The following PTPRE variants were observed in gnomAD, a reference collection of about 807,000 sequenced individuals.
PTPRE encodes the protein receptor-type tyrosine-protein phosphatase epsilon.
Under a neutral mutation model 102.0 loss-of-function variants are expected in PTPRE, and 51 were observed. That is an observed-to-expected ratio of 0.50 (90% CI 0.40 to 0.63). PTPRE has a LOEUF of 0.63. Among genes scored for constraint, PTPRE ranks in the 30% least tolerant of loss-of-function variants. The probability of loss-of-function intolerance (pLI) is 0.00; values close to 1 mark genes in which losing one functional copy is unlikely to be tolerated. For missense variants in PTPRE, 752 were observed against 915.1 expected (o/e 0.82, Z 2.30); for synonymous variants, 345 against 348.2 (o/e 0.99, Z 0.10).
At chr10:128,043,005 CA>C (rs1847830113) in intron 3 of PTPRE, among the ~76,000 whole-genome samples, 1 of 151,974 alleles carries the variant, frequency 6.6e-6, no homozygotes, top group Non-Finnish European at 1.5e-5. Context: ...TCAGATGGAC[CA>C]AAATGCAAAG....
intron 1 of PTPRE, among the ~76,000 whole-genome samples, chr10:127,963,492 A>G (rs1455250608): frequency 6.6e-6 from 1 of 152,234 alleles, no homozygotes; most frequent in African/African-American, 2.4e-5. Flanking sequence ...GTAGATGCCC[A>G]GAAAGTGGTT....
intron 8 of PTPRE, among the ~76,000 whole-genome samples, 177 bp from the exon 9 acceptor site, chr10:128,061,502 G>A (rs1849588509): frequency 6.6e-6 from 1 of 152,222 alleles, no homozygotes; most frequent in African/African-American, 2.4e-5. Flanking sequence ...GGGGACGTAT[G>A]AAGTAGGATT....
At chr10:127,978,436 G>C (rs1212822118) in intron 1 of PTPRE, among the ~76,000 whole-genome samples, 1 of 152,116 alleles carries the variant, frequency 6.6e-6, no homozygotes, top group Admixed American at 6.5e-5. Context: ...TACTCGGGGG[G>C]TGGCTGAGGC....
Position 127,987,169 on chromosome 10 carries a change from G to A in PTPRE, c.-8+4873G>A, listed in dbSNP as rs189756737. 2.3e-3 allele frequency: 600 copies of A among 258,766 alleles called. 2 individuals are homozygous for A. Among genetic ancestry groups the A allele is most frequent in the Non-Finnish European group, 3.3e-3 (545 of 165,698 alleles). The allele number at this position is 258,766 out of a possible 1,614,324, so 16.0% of individuals were successfully genotyped here. On this transcript the variant is annotated intron_variant, in intron 2 of 20. Transcript: ENST00000254667. ...AGTGCCTCCTAAAAGAGCCTAGTAG[G>A]TAATCCTTTGTCACAGAGCAAAGGC...
At chr10:127,946,004 TG>T (rs1325391063) in intron 1 of PTPRE, among the ~76,000 whole-genome samples, 1 of 152,030 alleles carries the variant, frequency 6.6e-6, no homozygotes, top group Admixed American at 6.5e-5. Context: ...TGAGAGGCAT[TG>T]GTGTGTGGCT....
chr10:127,919,913 C>T (rs1308121089), intron 1 of PTPRE, among the ~76,000 whole-genome samples: 4 of 151,604 alleles, frequency 2.6e-5, no homozygotes, highest in Non-Finnish European at 4.4e-5. Context: ...TTTTACTTAG[C>T]AGTGGATTTT....
At chr10:128,077,567 C>T in intron 18 of PTPRE, 50 bp from the exon 19 acceptor site, 1 of 1,562,018 alleles carries the variant, frequency 6.4e-7, no homozygotes, top group South Asian at 1.2e-5. Context: ...GGGGCTGGGG[C>T]CTGTTCCCCG....
chr10:128,021,891 C>T (rs1050520682), intron 2 of PTPRE, among the ~76,000 whole-genome samples: 23 of 152,188 alleles, frequency 1.5e-4, no homozygotes, highest in African/African-American at 5.1e-4. Flanking sequence ...ACTCTGATGG[C>T]GAGTCTTCAT....
chr10:128,067,381 C>T (rs538757782), intron 11 of PTPRE, among the ~76,000 whole-genome samples: 720 of 69,504 alleles, frequency 0.01, 6 homozygotes, highest in Middle Eastern at 0.054. Context: ...TGCACACATT[C>T]ACACATGTGC....
intron 2 of PTPRE, among the ~76,000 whole-genome samples, chr10:128,003,784 G>A (rs1187141419): frequency 6.6e-6 from 1 of 152,094 alleles, no homozygotes; most frequent in Non-Finnish European, 1.5e-5. Flanking sequence ...AATGGGGCCC[G>A]CAGACTGTAG....
intron 2 of PTPRE, among the ~76,000 whole-genome samples, chr10:127,994,046 CA>C (rs1024842351): frequency 6.6e-6 from 1 of 152,190 alleles, no homozygotes; most frequent in African/African-American, 2.4e-5. Context: ...AGTTCCCTCA[CA>C]AAACACAAGT....
At chr10:128,034,287 T>G (rs1164830142) in intron 2 of PTPRE, among the ~76,000 whole-genome samples, 3 of 151,650 alleles carry the variant, frequency 2.0e-5, no homozygotes, top group African/African-American at 7.3e-5. Flanking sequence ...ATGGGAGGAT[T>G]CAATAAATGG....
chr10:128,015,335 G>A (rs1167407045), intron 2 of PTPRE, among the ~76,000 whole-genome samples: 2 of 152,076 alleles, frequency 1.3e-5, no homozygotes, highest in Non-Finnish European at 1.5e-5. Context: ...CTTAAGCTCA[G>A]GAGTTGAAGA....
intron 1 of PTPRE, among the ~76,000 whole-genome samples, chr10:127,947,349 T>C (rs1466222402): frequency 6.6e-6 from 1 of 152,208 alleles, no homozygotes; most frequent in Admixed American, 6.5e-5. Flanking sequence ...ACTCCTCTCC[T>C]AGGAAAACCT....
intron 2 of PTPRE, among the ~76,000 whole-genome samples, chr10:128,034,460 C>A (rs773568728): frequency 2.6e-5 from 4 of 151,980 alleles, no homozygotes; most frequent in African/African-American, 7.3e-5. Flanking sequence ...GAGGTCAGGG[C>A]GGGAGGATTG....
At chr10:127,997,655 A>G (rs1438126434) in intron 2 of PTPRE, among the ~76,000 whole-genome samples, 1 of 152,242 alleles carries the variant, frequency 6.6e-6, no homozygotes, top group African/African-American at 2.4e-5. Context: ...AAGGAGATAT[A>G]CAAATAGGAG....
intron 2 of PTPRE, among the ~76,000 whole-genome samples, chr10:127,987,753 T>C (rs1040801156): frequency 6.6e-6 from 1 of 152,230 alleles, no homozygotes; most frequent in Non-Finnish European, 1.5e-5. Context: ...ATAGGCCGGC[T>C]CGATGACATG....
chr10:128,004,459 ATCTGTATT>A (rs1469234726), intron 2 of PTPRE, among the ~76,000 whole-genome samples: 4 of 152,076 alleles, frequency 2.6e-5, no homozygotes, highest in African/African-American at 9.7e-5. Context: ...TCAGCTGTCC[ATCTGTATT>A]GATTTACATA....
chr10:128,023,168 C>G (rs183048048), intron 2 of PTPRE, among the ~76,000 whole-genome samples: 1 of 152,060 alleles, frequency 6.6e-6, no homozygotes, highest in African/African-American at 2.4e-5. Flanking sequence ...TAGAATTGTT[C>G]TATTTTATTA....
Sources: gnomAD v4.1 joint callset for allele counts (sites outside exome capture counted in the v4.1 genomes callset) on GRCh38, gnomAD v4.1.1 for gene constraint, MANE v1.5 for transcripts, NCBI Gene and HGNC (gene_info 2026-07-23, HGNC 2026-07-21) for gene names.